PHF3: variants seen among roughly 807,000 people sequenced by gnomAD.
PHF3 encodes PHD finger protein 3.
In PHF3, 41 loss-of-function variants were observed where a neutral mutation model predicts 178.4. The observed-to-expected ratio is 0.23, with a 90% confidence interval of 0.18 to 0.30. The LOEUF (loss-of-function observed/expected upper bound fraction) is 0.30. Ranked by LOEUF, PHF3 falls within the 10% of genes least tolerant of loss-of-function variation. The probability of loss-of-function intolerance (pLI) is 1.00; values close to 1 mark genes in which losing one functional copy is unlikely to be tolerated. For missense variants in PHF3, 2,346 were observed against 2,398.1 expected, an observed-to-expected ratio of 0.98 and a Z score of 0.45; for synonymous variants, 842 against 800.5, an observed-to-expected ratio of 1.05 and a Z score of -0.88.
rs1225445570 is a variant in PHF3 at position 63,717,247 on chromosome 6, G to A, written c.*3539G>A. On this transcript the variant is annotated 3_prime_UTR_variant, in exon 16 of 16. Coordinates refer to ENST00000262043, the MANE Select transcript of PHF3 (RefSeq NM_001370348.2). ...TTCCTAAGTTTTTAATAGTAGCTGT[G>A]TTTTTAAAGTTTATGAACCAAACTT... Among the ~76,000 whole-genome samples the A allele has an allele frequency of 1.3e-5, 2 of 151,988 alleles. No homozygotes were observed. The highest frequency in any genetic ancestry group is 2.9e-5 in the Non-Finnish European group (2 of 67,950).
chr6:63,706,045 T>A lies in PHF3; in HGVS notation c.3384T>A (p.Pro1128=). 6.2e-7 allele frequency: 1 copy of A among 1,612,938 alleles called. No homozygotes were observed. Among genetic ancestry groups the A allele is most frequent in the East Asian group, 2.2e-5 (1 of 44,854 alleles). ...TGGGCTTAGGTCGAATGGCACCACC[T>A]GTAGATGATCTTTCTCCAAAAAAAG... ...CKICIGRMAP[P]VDDLSPKKVK... is the part of the protein sequence containing the mutation. The change falls in exon 12 of 16, where the codon CCT becomes CCA. Residue 1128 remains proline (P), a synonymous_variant. Transcript: ENST00000262043.
intron 4 of PHF3, among the ~76,000 whole-genome samples, chr6:63,691,456 C>T (rs1312635755): frequency 6.6e-6 from 1 of 152,072 alleles, no homozygotes; most frequent in East Asian, 1.9e-4. Flanking sequence ...CTGACAAAGG[C>T]CAGTTGTCTT....
chr6:63,668,900 C>T (rs766885459), intron 2 of PHF3, among the ~76,000 whole-genome samples: 5 of 151,904 alleles, frequency 3.3e-5, no homozygotes, highest in African/African-American at 4.8e-5. Flanking sequence ...TCCTCTGTTA[C>T]GTGTATAATT....
At chr6:63,658,708 T>TTGTGTGTGTG (rs3071174) in intron 2 of PHF3, among the ~76,000 whole-genome samples, 18 of 145,210 alleles carry the variant, frequency 1.2e-4, no homozygotes, top group Non-Finnish European at 1.2e-4. Flanking sequence ...CCAATAGATT[T>TTGTGTGTGTG]TGTGTGTGTG....
At chr6:63,673,116 A>T (rs906454183) in intron 2 of PHF3, among the ~76,000 whole-genome samples, 4 of 146,032 alleles carry the variant, frequency 2.7e-5, no homozygotes, top group African/African-American at 1.0e-4. Flanking sequence ...TATGCTTGGG[A>T]TTTTTTTTTT....
At chr6:63,657,207 A>G (rs1582018861) in intron 2 of PHF3, among the ~76,000 whole-genome samples, 2 of 152,196 alleles carry the variant, frequency 1.3e-5, no homozygotes, top group African/African-American at 4.8e-5. Context: ...CATTTTGACA[A>G]ATATTTTACT....
Position 63,636,117 on chromosome 6 carries a change from G to A in PHF3, c.-59G>A, listed in dbSNP as rs1440400361. On this transcript the variant is annotated 5_prime_UTR_variant, in exon 1 of 16. Coordinates refer to ENST00000262043, the MANE Select transcript of PHF3 (RefSeq NM_001370348.2). ...CGGCAGCGTCCACCATCTTCCTCTTGCTGCCAGTGGTAGCGCTCGTCTGGC... is the reference window on the plus strand; with the variant it reads ...CGGCAGCGTCCACCATCTTCCTCTTACTGCCAGTGGTAGCGCTCGTCTGGC... 5.1e-6 allele frequency: 2 copies of A among 391,296 alleles called. No individual in the cohort carries two copies. The highest frequency in any genetic ancestry group is 9.0e-6 in the Non-Finnish European group (2 of 222,058). The allele number at this position is 391,296 out of a possible 1,614,324, so 24.2% of individuals were successfully genotyped here. A position where few individuals can be genotyped will look rare whatever the true frequency, so the allele number is the denominator to read the frequency against.
intron 2 of PHF3, among the ~76,000 whole-genome samples, chr6:63,674,240 A>G (rs1293718840): frequency 1.4e-5 from 1 of 71,784 alleles, no homozygotes; most frequent in African/African-American, 8.9e-5. Context: ...AATATTTTAT[A>G]TTTTTGGAGA....
chr6:63,701,618 C>A (rs1767479071), intron 9 of PHF3, among the ~76,000 whole-genome samples: 2 of 152,112 alleles, frequency 1.3e-5, no homozygotes. Context: ...AGGCACTAAA[C>A]CTCCATATAG....
Position 63,663,461 on chromosome 6 carries a change from C to T in PHF3, c.245-16539C>T, listed in dbSNP as rs191282751. Among the ~76,000 whole-genome samples, 4 of 152,300 alleles carry T rather than the reference C, an allele frequency of 2.6e-5. No homozygotes were observed. In the East Asian group the frequency reaches 7.7e-4, roughly 29 times the overall value. On this transcript the variant is annotated intron_variant, in intron 2 of 15. Coordinates refer to ENST00000262043, the MANE Select transcript of PHF3 (RefSeq NM_001370348.2). ...GCTGGCTACCTAGATTTCTCCAAAT[C>T]ATAGACCTAGACCTCCTTAGCCTCC...
rs748847223 is a variant in PHF3, at chr6:63,698,206, A to G, written c.2681-17A>G. The G allele has an allele frequency of 6.3e-7, 1 of 1,584,536 alleles. No individual in the cohort carries two copies. The highest frequency in any genetic ancestry group is 8.6e-7 in the Non-Finnish European group (1 of 1,160,654). Reference sequence around the variant, plus strand: ...TTTAAAAGCAATGTAATGAGTTTCGATATTTATTCAAATTAGGTACTCATG... The same window carrying G: ...TTTAAAAGCAATGTAATGAGTTTCGGTATTTATTCAAATTAGGTACTCATG... On this transcript the variant is annotated splice_polypyrimidine_tract_variant and intron_variant, in intron 6 of 15. Coordinates refer to ENST00000262043, the MANE Select transcript of PHF3 (RefSeq NM_001370348.2).
intron 2 of PHF3, among the ~76,000 whole-genome samples, chr6:63,650,271 AG>A (rs1291444215): frequency 6.6e-6 from 1 of 152,226 alleles, no homozygotes; most frequent in Non-Finnish European, 1.5e-5. Context: ...TGTCCTTTCA[AG>A]GCTGCATTAT....
chr6:63,686,176 A>G (rs1766695516), intron 4 of PHF3: 1 of 405,518 alleles, frequency 2.5e-6, no homozygotes, highest in South Asian at 5.7e-5. Context: ...CACAGGTTAG[A>G]CAGTGTAATT....
At chr6:63,637,327 C>T (rs1395123203) in intron 1 of PHF3, among the ~76,000 whole-genome samples, 1 of 152,152 alleles carries the variant, frequency 6.6e-6, no homozygotes, top group Non-Finnish European at 1.5e-5. Flanking sequence ...CCTAACAAAA[C>T]TACGCCTCCA....
chr6:63,708,659 T>C (rs1767795960), intron 13 of PHF3, among the ~76,000 whole-genome samples: 2 of 152,344 alleles, frequency 1.3e-5, no homozygotes, highest in Middle Eastern at 3.4e-3. Context: ...AGAAAGATTA[T>C]GCCTTTAAAA....
At chr6:63,675,538 A>G (rs1297961629) in intron 2 of PHF3, among the ~76,000 whole-genome samples, 1 of 152,062 alleles carries the variant, frequency 6.6e-6, no homozygotes, top group African/African-American at 2.4e-5. Flanking sequence ...AGCTCTGGAA[A>G]CTCTGAAGGC....
At chr6:63,658,545 G>A (rs1351031971) in intron 2 of PHF3, among the ~76,000 whole-genome samples, 3 of 151,998 alleles carry the variant, frequency 2.0e-5, no homozygotes, top group Non-Finnish European at 4.4e-5. Context: ...AACCCTCTCC[G>A]TTGTTACCTT....
chr6:63,675,265 C>T (rs1302328184), intron 2 of PHF3, among the ~76,000 whole-genome samples: 1 of 152,094 alleles, frequency 6.6e-6, no homozygotes, highest in African/African-American at 2.4e-5. Context: ...TTTAATACCA[C>T]ACAAAAAGGA....
At chr6:63,664,666 A>G (rs1332693853) in intron 2 of PHF3, among the ~76,000 whole-genome samples, 2 of 152,178 alleles carry the variant, frequency 1.3e-5, no homozygotes, top group East Asian at 1.9e-4. Context: ...TTGTATAAGA[A>G]CTTACTTGGA....
Sources: allele counts gnomAD v4.1 joint callset (sites outside exome capture counted in the v4.1 genomes callset), GRCh38; gene constraint gnomAD v4.1.1; transcripts MANE v1.5; gene names NCBI Gene and HGNC (gene_info 2026-07-23, HGNC 2026-07-21).